The following ARHGAP45 variants were observed in gnomAD, a reference collection of about 807,000 sequenced individuals.
The protein encoded by ARHGAP45 is rho GTPase-activating protein 45.
ARHGAP45 carries 56 observed loss-of-function variants against 116.1 expected under a neutral mutation model. The ratio of observed to expected loss-of-function variants is 0.48; its 90% CI spans 0.39 to 0.60. The LOEUF (loss-of-function observed/expected upper bound fraction) is 0.60, where lower values mean the gene tolerates loss of function less well. Among genes scored for constraint, ARHGAP45 ranks in the 20% least tolerant of loss-of-function variants. The pLI, the probability that ARHGAP45 is intolerant of heterozygous loss-of-function variation, is 0.00. For synonymous variants in ARHGAP45, 866 were observed against 701.7 expected, an observed-to-expected ratio of 1.23 and a Z score of -3.70; for missense variants, 1,622 against 1,601.0, an observed-to-expected ratio of 1.01 and a Z score of -0.22.
Position 1,074,131 on chromosome 19 carries a change from TGCTGCTACAGCGCTGTGAGGGGGGC to T in ARHGAP45, c.820_844del (p.Leu274TrpfsTer15). ...TGCCTGCCCGCCGAGGAGGTGGACG[TGCTGCTACAGCGCTGTGAGGGGGGC>T]GTGGATGCCGCACTGCTGTATGCCA... On this transcript the variant is annotated frameshift_variant, in exon 7 of 23. Transcript: ENST00000313093. LOFTEE classifies it high-confidence loss of function. 6.2e-7 allele frequency: 1 copy of T among 1,613,192 alleles called. No homozygotes were observed. Among genetic ancestry groups the T allele is most frequent in the Non-Finnish European group, 8.5e-7 (1 of 1,179,894 alleles).
chr19:1,086,213 C>T lies in ARHGAP45; in HGVS notation c.*207C>T. 1 of 574,902 alleles carries T rather than the reference C, an allele frequency of 1.7e-6. No homozygotes were observed. Among genetic ancestry groups the T allele is most frequent in the African/African-American group, 1.9e-5 (1 of 53,414 alleles). The allele number at this position is 574,902 out of a possible 1,614,324, so 35.6% of individuals were successfully genotyped here. The stretch of plus-strand genomic sequence containing the variant: ...TTGCGGCACAGGACTGTGCCCTGTG[C>T]TGTCCCCTGCACCCCGGCTCAGCTG... On this transcript the variant is annotated 3_prime_UTR_variant, in exon 23 of 23. Transcript: ENST00000313093.
chr19:1,067,544 G>T (rs1189436404), intron 1 of ARHGAP45, 49 bp downstream of exon 1: 3 of 1,499,418 alleles, frequency 2.0e-6, no homozygotes, highest in South Asian at 2.4e-5. Context: ...GCCGCAGGGG[G>T]ACAGGGACCC....
Position 1,081,685 on chromosome 19 carries a change from T to A in ARHGAP45, c.2326T>A (p.Phe776Ile). ...AARSAPDGVP[F>I]IVKKCVCEIE... The stretch of plus-strand genomic sequence containing the variant: ...CCGCAGCGCCCCCGACGGCGTGCCC[T>A]TCATCGTCAAGAAGTGCGTCTGCGA... Residue 776 changes from phenylalanine (F) to isoleucine (I), a missense_variant, in exon 18 of 23, where the codon TTC becomes ATC. By Grantham distance (21) the Phe-to-Ile change is conservative (BLOSUM62 0). Transcript: ENST00000313093. 1 of 1,590,074 alleles carries A rather than the reference T, an allele frequency of 6.3e-7. No homozygotes were observed. Among genetic ancestry groups the A allele is most frequent in the Non-Finnish European group, 8.6e-7 (1 of 1,168,956 alleles).
chr19:1,086,225 C>T lies in ARHGAP45; in HGVS notation c.*219C>T, dbSNP rs530543966. On this transcript the variant is annotated 3_prime_UTR_variant, in exon 23 of 23. Transcript: ENST00000313093. The stretch of plus-strand genomic sequence containing the variant: ...ACTGTGCCCTGTGCTGTCCCCTGCA[C>T]CCCGGCTCAGCTGAGCTGGGGAACA... 1.1e-5 allele frequency: 6 copies of T among 555,246 alleles called. No homozygotes were observed. The highest frequency in any genetic ancestry group is 9.4e-5 in the African/African-American group (5 of 53,062). 34.4% of individuals were successfully genotyped at this position (555,246 alleles called of 1,614,324 possible). A position where few individuals can be genotyped will look rare whatever the true frequency, so the allele number is the denominator to read the frequency against.
chr19:1,071,143 TG>T lies in ARHGAP45; in HGVS notation c.422-2002del. On this transcript the variant is annotated intron_variant, in intron 2 of 22. Transcript: ENST00000313093. This position sits in a 1 kb window ranked among gnomAD's most constrained non-coding sequence, Gnocchi z 4.6. ...TCTGCGGTTAAGGAAGGACCCAGGC[TG>T]GGGCGAACGGGACCCCAGGGCGGGG... 2 of 1,281,146 alleles carry T rather than the reference TG, an allele frequency of 1.6e-6. No homozygotes were observed. Among genetic ancestry groups the T allele is most frequent in the African/African-American group, 1.6e-5 (1 of 61,820 alleles). The allele number at this position is 1,281,146 out of a possible 1,614,324, so 79.4% of individuals were successfully genotyped here.
Position 1,068,881 on chromosome 19 carries a change from C to CA in ARHGAP45, c.421+138dup. ...GAGGGCTGTGTGGAAGAGGCCATGA[C>CA]AGCTAAGGCTCTGAGGGATGTGTAG... On this transcript the variant is annotated intron_variant, in intron 2 of 22. Transcript: ENST00000313093. This position sits in a 1 kb window ranked among gnomAD's most constrained non-coding sequence, Gnocchi z 7.5. The CA allele has an allele frequency of 1.2e-6, 1 of 804,548 alleles. No homozygotes were observed. The allele number at this position is 804,548 out of a possible 1,614,324, so 49.8% of individuals were successfully genotyped here. A position where few individuals can be genotyped will look rare whatever the true frequency, so the allele number is the denominator to read the frequency against.
rs112803128 is a variant in ARHGAP45 at position 1,080,821 on chromosome 19, G to C, written c.2017+35G>C. On this transcript the variant is annotated intron_variant, in intron 16 of 22. Transcript: ENST00000313093. ...CCCTGACGGGGCTGGAGAGAGAGGGGGGTTTGGACACAGTCCATGGGCCTG... is the reference window on the plus strand; with the variant it reads ...CCCTGACGGGGCTGGAGAGAGAGGGCGGTTTGGACACAGTCCATGGGCCTG... 2.8e-4 allele frequency: 453 copies of C among 1,611,152 alleles called. 1 individual carries two copies. The African/African-American group carries it at 5.2e-3, about 18-fold the overall frequency.
chr19:1,071,761 G>A lies in ARHGAP45; in HGVS notation c.422-1388G>A, dbSNP rs1024318715. The A allele has an allele frequency of 2.0e-5, 3 of 152,216 alleles. No homozygotes were observed. Among genetic ancestry groups the A allele is most frequent in the African/African-American group, 7.2e-5 (3 of 41,448 alleles). 9.4% of individuals were successfully genotyped at this position (152,216 alleles called of 1,614,324 possible). On this transcript the variant is annotated intron_variant, in intron 2 of 22. Transcript: ENST00000313093. The surrounding 1 kb of genome is among the most constrained non-coding windows in gnomAD (Gnocchi z 4.6). ...GGCCAGCGGGGTATCTCTGGCGGGT[G>A]ACTCGGTCGGTCTCTTCCCGGAGGT...
intron 22 of ARHGAP45, among the ~76,000 whole-genome samples, chr19:1,084,806 C>G (rs1456619628): frequency 1.3e-5 from 2 of 152,178 alleles, no homozygotes; most frequent in Non-Finnish European, 2.9e-5. Flanking sequence ...ATACCTGAGG[C>G]TGGGCACGGT....
chr19:1,067,812 C>A, intron 1 of ARHGAP45: 1 of 606,712 alleles, frequency 1.6e-6, no homozygotes, highest in Non-Finnish European at 3.0e-6. Context: ...CTTAGGCAAT[C>A]TGGGGGCTCT....
chr19:1,074,953 C>G, intron 10 of ARHGAP45, 74 bp downstream of exon 10: 1 of 1,302,890 alleles, frequency 7.7e-7, no homozygotes, highest in East Asian at 3.0e-5. Flanking sequence ...GCCCCAGCCC[C>G]ATAGCGAGGG....
chr19:1,080,987 C>T lies in ARHGAP45; in HGVS notation c.2113C>T (p.Leu705Phe), dbSNP rs1466707300. 3.1e-6 allele frequency: 5 copies of T among 1,607,486 alleles called. No homozygotes were observed. The highest frequency in any genetic ancestry group is 4.2e-6 in the Non-Finnish European group (5 of 1,177,920). The change falls in exon 17 of 23, where the codon CTC becomes TTC. Residue 705 changes from leucine (L) to phenylalanine (F), a missense_variant. Physicochemically the swap from Leu to Phe is conservative, Grantham distance 22. Coordinates refer to ENST00000313093, the MANE Select transcript of ARHGAP45 (RefSeq NM_012292.5). ...GLSKAARTHR[L>F]RKLRTPAKCR... ...GTCCAAGGCGGCCCGTACTCACCGG[C>T]TCCGGAAGCTCCGCACGCCCGCCAA...
intron 10 of ARHGAP45, chr19:1,076,933 T>A: frequency 1.4e-6 from 1 of 694,524 alleles, no homozygotes. Context: ...CTCACTATGT[T>A]GACCAGGCTG....
chr19:1,067,998 G>C (rs1052699982), intron 1 of ARHGAP45, among the ~76,000 whole-genome samples: 57 of 152,006 alleles, frequency 3.7e-4, no homozygotes, highest in Non-Finnish European at 7.7e-4. Flanking sequence ...ATGTCTACAA[G>C]GCCTGGGGCT....
chr19:1,072,073 T>A (rs962843149), intron 2 of ARHGAP45, among the ~76,000 whole-genome samples: 5 of 152,108 alleles, frequency 3.3e-5, no homozygotes, highest in African/African-American at 1.2e-4. Flanking sequence ...CTTTCCTTTC[T>A]TTTTGGGATG....
chr19:1,077,735 C>T (rs1479044719), intron 10 of ARHGAP45, 122 bp from the exon 11 acceptor site: 1 of 1,525,848 alleles, frequency 6.6e-7, no homozygotes. Flanking sequence ...CCTCTGCATG[C>T]CCAGCTGGGC....
At chr19:1,065,960 G>C (rs2043021190), upstream of ARHGAP45, 62 of 1,510,640 alleles carry the variant, frequency 4.1e-5, no homozygotes, top group Non-Finnish European at 5.4e-5. Context: ...GCACAGGCCA[G>C]GGCCGGGCCA....
chr19:1,077,127 C>T (rs1331948667), intron 10 of ARHGAP45: 12 of 985,228 alleles, frequency 1.2e-5, no homozygotes, highest in Non-Finnish European at 1.4e-5. Flanking sequence ...TGACTAAGTG[C>T]TCTTCCTGCC....
At chr19:1,074,059 A>G (rs779696555) in intron 6 of ARHGAP45, 45 bp downstream of exon 6, 1 of 1,604,846 alleles carries the variant, frequency 6.2e-7, no homozygotes, top group Non-Finnish European at 8.5e-7. Context: ...GGGGTGGGCC[A>G]TTGCGCGGGT....
Sources: allele counts gnomAD v4.1 joint callset (sites outside exome capture counted in the v4.1 genomes callset), GRCh38; gene constraint gnomAD v4.1.1; non-coding constraint Gnocchi (gnomAD v3.1); transcripts MANE v1.5; gene names NCBI Gene and HGNC (gene_info 2026-07-23, HGNC 2026-07-21).